The following TENM2 variants were observed in gnomAD, a reference collection of about 807,000 sequenced individuals.
The protein encoded by TENM2 is teneurin transmembrane protein 2.
TENM2 carries 52 observed loss-of-function variants against 245.2 expected under a neutral mutation model. The observed-to-expected ratio is 0.21, with a 90% CI of 0.17 to 0.27. The LOEUF (loss-of-function observed/expected upper bound fraction) is 0.27. TENM2 is among the 10% of genes least tolerant of loss of function. The pLI is 1.00. For missense variants in TENM2, 3,046 were observed against 3,666.8 expected, an observed-to-expected ratio of 0.83 and a Z score of 4.37; for synonymous variants, 1,363 against 1,438.9, an observed-to-expected ratio of 0.95 and a Z score of 1.19.
At chr5:167,900,111 TAAAA>T (rs71853736) in intron 3 of TENM2, among the ~76,000 whole-genome samples, 8 of 43,450 alleles carry the variant, frequency 1.8e-4, no homozygotes, top group African/African-American at 9.6e-4. Flanking sequence ...CTCAACCCAC[TAAAA>T]AAAAAAAAAA....
intron 2 of TENM2, among the ~76,000 whole-genome samples, chr5:167,391,466 A>G (rs920973985): frequency 2.0e-5 from 3 of 151,950 alleles, no homozygotes; most frequent in African/African-American, 7.3e-5. Flanking sequence ...TCTCTACTAA[A>G]AATACAAAAT....
intron 2 of TENM2, among the ~76,000 whole-genome samples, chr5:167,795,926 C>T (rs1299813060): frequency 6.6e-6 from 1 of 152,100 alleles, no homozygotes; most frequent in Non-Finnish European, 1.5e-5. Context: ...GTGGAGATAC[C>T]TCTATGAGTA....
At chr5:167,313,464 C>T in intron 1 of TENM2, among the ~76,000 whole-genome samples, 1 of 152,132 alleles carries the variant, frequency 6.6e-6, no homozygotes, top group Admixed American at 6.6e-5. Context: ...TTGTGAAACC[C>T]TGTTTCTACT....
At chr5:166,993,144 A>G in the TENM2 span, among the ~76,000 whole-genome samples, 1 of 152,092 alleles carries the variant, frequency 6.6e-6, no homozygotes, top group Non-Finnish European at 1.5e-5. Flanking sequence ...ATTCCCGTAG[A>G]GAGCTGTGGG....
intron 7 of TENM2, among the ~76,000 whole-genome samples, chr5:168,080,259 G>T (rs958288576): frequency 1.3e-5 from 2 of 152,270 alleles, no homozygotes; most frequent in East Asian, 3.9e-4. Context: ...TTGTATTTCT[G>T]TGGGATCGAT....
At position 167,823,204 on chromosome 5, in the gene TENM2, C is replaced by G. The variant is rs367611140; in HGVS notation, c.503-52782C>G. On this transcript the variant is annotated intron_variant, in intron 2 of 28. Transcript: ENST00000518659. ...TCAAAGTGCTGAAATAGAGATATGCCCTACCTCTCTGTCCATATTTTGCAG... is the reference window on the plus strand; with the variant it reads ...TCAAAGTGCTGAAATAGAGATATGCGCTACCTCTCTGTCCATATTTTGCAG... Among the ~76,000 whole-genome samples the G allele has an allele frequency of 2.6e-5, 4 of 151,984 alleles. No individual in the cohort carries two copies. In the East Asian group the frequency reaches 5.8e-4, roughly 22 times the overall value.
the TENM2 span, among the ~76,000 whole-genome samples, chr5:166,988,618 C>T: frequency 1.3e-5 from 2 of 152,296 alleles, no homozygotes; most frequent in East Asian, 1.9e-4. Context: ...TTCTGGCTAA[C>T]GTAGGTGGAA....
At chr5:167,740,302 T>C (rs1761092807) in intron 2 of TENM2, among the ~76,000 whole-genome samples, 1 of 152,200 alleles carries the variant, frequency 6.6e-6, no homozygotes, top group Non-Finnish European at 1.5e-5. Context: ...CAAATCACTG[T>C]GATCTCAGAA....
chr5:167,115,169 A>G, the TENM2 span, among the ~76,000 whole-genome samples: 1 of 152,174 alleles, frequency 6.6e-6, no homozygotes, highest in Non-Finnish European at 1.5e-5. Flanking sequence ...CAATAAAGGA[A>G]AGATCACAGG....
the TENM2 span, among the ~76,000 whole-genome samples, chr5:167,142,163 A>G: frequency 2.0e-5 from 3 of 151,116 alleles, no homozygotes; most frequent in African/African-American, 2.4e-5. Context: ...GTGTGTTCAT[A>G]TAAGATTTGT....
At chr5:168,162,074 A>G (rs1757794599) in intron 12 of TENM2, among the ~76,000 whole-genome samples, 1 of 152,194 alleles carries the variant, frequency 6.6e-6, no homozygotes, top group Non-Finnish European at 1.5e-5. Flanking sequence ...CTGTACAAGC[A>G]TATGAAAATA....
At chr5:167,002,780 T>C in the TENM2 span, among the ~76,000 whole-genome samples, 2 of 151,980 alleles carry the variant, frequency 1.3e-5, no homozygotes, top group African/African-American at 2.4e-5. Flanking sequence ...CTGTAAATAA[T>C]AATAATGATG....
the TENM2 span, among the ~76,000 whole-genome samples, chr5:167,123,598 C>T: frequency 2.0e-5 from 3 of 152,110 alleles, no homozygotes; most frequent in Admixed American, 6.6e-5. Context: ...GTTTATACCA[C>T]GGGGTAGGAT....
At chr5:168,073,516 T>A (rs1791204459) in intron 7 of TENM2, among the ~76,000 whole-genome samples, 1 of 152,204 alleles carries the variant, frequency 6.6e-6, no homozygotes, top group African/African-American at 2.4e-5. Flanking sequence ...GGACATACCT[T>A]TTCCTTTTAG....
chr5:167,492,130 T>C (rs534146196), intron 2 of TENM2, among the ~76,000 whole-genome samples: 1 of 152,274 alleles, frequency 6.6e-6, no homozygotes, highest in Admixed American at 6.5e-5. Flanking sequence ...ATTTATATCA[T>C]ATAAAGTTAT....
At chr5:167,742,917 A>T (rs1202629790) in intron 2 of TENM2, among the ~76,000 whole-genome samples, 1 of 152,036 alleles carries the variant, frequency 6.6e-6, no homozygotes, top group Non-Finnish European at 1.5e-5. Context: ...GCAGTGAGCT[A>T]TGATCATGCC....
At chr5:167,208,085 T>G in the TENM2 span, among the ~76,000 whole-genome samples, 1 of 152,164 alleles carries the variant, frequency 6.6e-6, no homozygotes, top group Non-Finnish European at 1.5e-5. Context: ...TAGTCTTTCA[T>G]TGCATTTAAT....
intron 2 of TENM2, among the ~76,000 whole-genome samples, chr5:167,460,517 ATC>A (rs1766230969): frequency 6.6e-6 from 1 of 152,168 alleles, no homozygotes; most frequent in Non-Finnish European, 1.5e-5. Context: ...ACGTAAGTTC[ATC>A]TCTCTCTAAC....
intron 7 of TENM2, among the ~76,000 whole-genome samples, chr5:168,068,522 T>C (rs1042382221): frequency 3.3e-5 from 5 of 152,150 alleles, no homozygotes; most frequent in African/African-American, 9.7e-5. Flanking sequence ...TCTCTGTATA[T>C]GTATGTTTGT....
Sources: allele counts gnomAD v4.1 joint callset (sites outside exome capture counted in the v4.1 genomes callset), GRCh38; gene constraint gnomAD v4.1.1; transcripts MANE v1.5; gene names NCBI Gene and HGNC (gene_info 2026-07-23, HGNC 2026-07-21).